Variants in RBM14 observed in about 807,000 individuals in gnomAD.
RBM14 encodes the protein RNA binding motif protein 14, also known as RNA-binding protein 14.
In RBM14, 5 loss-of-function variants were observed where a neutral mutation model predicts 52.8. The observed-to-expected ratio is 0.09, with a 90% CI of 0.05 to 0.20. The LOEUF is 0.20. RBM14 is among the 10% of genes least tolerant of loss of function. The pLI, the probability that RBM14 is intolerant of heterozygous loss-of-function variation, is 1.00. For missense variants in RBM14, 780 were observed against 926.6 expected, an observed-to-expected ratio of 0.84 and a Z score of 2.05; for synonymous variants, 411 against 401.8, an observed-to-expected ratio of 1.02 and a Z score of -0.28.
At position 66,625,495 on chromosome 11, in the gene RBM14, A is replaced by T. The variant is rs781753127; in HGVS notation, c.1619A>T (p.Tyr540Phe). Residue 540 changes from tyrosine (Y) to phenylalanine (F), a missense_variant, in exon 2 of 3, where the codon TAC (tyrosine) becomes TTC (phenylalanine). Physicochemically the swap from Tyr to Phe is conservative, Grantham distance 22 (BLOSUM62 3). Transcript: ENST00000310137. This position sits in a 1 kb window ranked among gnomAD's most constrained non-coding sequence, Gnocchi z 4.2. ...CAGCATCCCCAGGCTGCTGCCTCCT[A>T]CCGCGGCCAGCCAGGCAATGCCTAC... The part of the protein sequence containing the change: ...AQQHPQAAAS[Y>F]RGQPGNAYDG... The T allele has an allele frequency of 6.2e-7, 1 of 1,612,466 alleles. No homozygotes were observed. Among genetic ancestry groups the T allele is most frequent in the South Asian group, 1.1e-5 (1 of 90,994 alleles).
chr11:66,618,581 T>G, intron 1 of RBM14: 1 of 717,454 alleles, frequency 1.4e-6, no homozygotes, highest in Admixed American at 2.0e-5. Context: ...TTTTTGCTTT[T>G]GTTTAGAGTA....
At chr11:66,619,408 C>G (rs1483391027) in intron 1 of RBM14, 1 of 152,172 alleles carries the variant, frequency 6.6e-6, no homozygotes. Flanking sequence ...CAGCTTCCTC[C>G]TATTGGGTGT....
rs1053732879 is a variant in RBM14, at chr11:66,616,633, C to G, written c.-88C>G. The G allele has an allele frequency of 1.4e-6, 2 of 1,462,532 alleles. No homozygotes were observed. The highest frequency in any genetic ancestry group is 2.5e-5 in the East Asian group (1 of 40,628). The allele number at this position is 1,462,532 out of a possible 1,614,324, so 90.6% of individuals were successfully genotyped here. ...GCGGGGTTCTCGGTCGCCAGCCATT[C>G]CTGAGGAGGACTGCCGGTCGTTCGG... is the stretch of plus-strand genomic sequence containing the variant. On this transcript the variant is annotated 5_prime_UTR_variant, in exon 1 of 3. Transcript: ENST00000310137.
In RBM14 at chr11:66,624,802, A is replaced by T; in HGVS notation, c.926A>T (p.Gln309Leu). Residue 309 changes from glutamine (Q) to leucine (L), a missense_variant, in exon 2 of 3, where the codon CAG becomes CTG. Gln to Leu is a moderately radical substitution (Grantham distance 113). Around this residue, in one of 4 missense-constraint regions of RBM14, gnomAD observed 675 missense variants for 697.3 expected, o/e 0.97. Coordinates refer to ENST00000310137, the MANE Select transcript of RBM14 (RefSeq NM_006328.4). This position sits in a 1 kb window ranked among gnomAD's most constrained non-coding sequence, Gnocchi z 4.7. ...ASSLGPYGGA[Q>L]PSASALSSYG... Reference sequence around the variant, plus strand: ...TCACTCGGCCCATATGGTGGAGCCCAGCCCTCAGCCTCGGCCCTTTCCTCC... The same window carrying T: ...TCACTCGGCCCATATGGTGGAGCCCTGCCCTCAGCCTCGGCCCTTTCCTCC... 1 of 1,614,088 alleles carries T rather than the reference A, an allele frequency of 6.2e-7. No homozygotes were observed. The highest frequency in any genetic ancestry group is 8.5e-7 in the Non-Finnish European group (1 of 1,179,990).
chr11:66,626,480 T>G lies in RBM14; in HGVS notation c.1822T>G (p.Leu608Val). The G allele has an allele frequency of 2.5e-6, 4 of 1,613,688 alleles. No individual in the cohort carries two copies. The highest frequency in any genetic ancestry group is 3.4e-6 in the Non-Finnish European group (4 of 1,179,944). The change falls in exon 3 of 3, where the codon TTA becomes GTA. Residue 608 changes from leucine (L) to valine (V), a missense_variant. Transcript: ENST00000310137. ...MSKRYGSDRR[L>V]AELSDYRRLS... ...GACTAGGTATGGTTCCGACCGGCGT[T>G]TAGCCGAGCTCTCTGATTACCGCCG...
rs770050082 is a variant in RBM14, at chr11:66,616,892, C to A, written c.172C>A (p.His58Asn). Residue 58 changes from histidine (H) to asparagine (N), a missense_variant, in exon 1 of 3, where the codon CAC becomes AAC. His to Asn is a moderately conservative substitution (Grantham distance 68, BLOSUM62 1). This residue lies in a region of RBM14 where 71 missense variants were observed against 119.2 expected (regional missense o/e 0.60). Transcript: ENST00000310137. ...GCGCGCCATCGAAGCCCTGCACGGC[C>A]ACGAGCTGCGGCCGGGGCGCGCGCT... Reference protein sequence around the residue: ...ALRAIEALHGHELRPGRALVV... With the variant: ...ALRAIEALHGNELRPGRALVV... 3 of 1,611,822 alleles carry A rather than the reference C, an allele frequency of 1.9e-6. No homozygotes were observed. The highest frequency in any genetic ancestry group is 2.5e-6 in the Non-Finnish European group (3 of 1,179,200).
chr11:66,616,870 C>T lies in RBM14; in HGVS notation c.150C>T (p.Arg50=), dbSNP rs778201004. 23 of 1,612,114 alleles carry T rather than the reference C, an allele frequency of 1.4e-5. No homozygotes were observed. Among genetic ancestry groups the T allele is most frequent in the East Asian group, 2.2e-5 (1 of 44,836 alleles). The part of the protein sequence containing the change: ...VHMRENAGAL[R]AIEALHGHEL... ...TGCGCGAGAACGCGGGCGCGCTGCG[C>T]GCCATCGAAGCCCTGCACGGCCACG... is the stretch of plus-strand genomic sequence containing the variant. The change falls in exon 1 of 3, where the codon CGC becomes CGT. Residue 50 remains arginine (R), a synonymous_variant. Coordinates refer to ENST00000310137, the MANE Select transcript of RBM14 (RefSeq NM_006328.4).
rs139642034 is a variant in RBM14, at chr11:66,625,354, C to G, written c.1478C>G (p.Ala493Gly). ...SGSYGAQSAAAATGSYGAAAA... is the reference protein window; with the variant it reads ...SGSYGAQSAAGATGSYGAAAA... ...TCCTATGGGGCTCAGTCGGCTGCTG[C>G]GGCCACTGGCTCCTATGGTGCCGCA... The change falls in exon 2 of 3, where the codon GCG (alanine) becomes GGG (glycine). Residue 493 changes from alanine to glycine, a missense_variant. Physicochemically the swap from Ala to Gly is moderately conservative, Grantham distance 60 (BLOSUM62 0). This residue lies in a region of RBM14 where 675 missense variants were observed against 697.3 expected (regional missense o/e 0.97). Coordinates refer to ENST00000310137, the MANE Select transcript of RBM14 (RefSeq NM_006328.4). The surrounding 1 kb of genome is among the most constrained non-coding windows in gnomAD (Gnocchi z 4.2). 74 of 1,606,160 alleles carry G rather than the reference C, an allele frequency of 4.6e-5. 1 individual carries two copies. Among genetic ancestry groups the G allele is most frequent in the Non-Finnish European group, 2.0e-5 (23 of 1,177,742 alleles).
chr11:66,624,319 C>G lies in RBM14; in HGVS notation c.443C>G (p.Thr148Ser), dbSNP rs886525151. ...KGKRINVELS[T>S]KGQKKGPGLA... The stretch of plus-strand genomic sequence containing the variant: ...AAGCGCATCAACGTGGAACTCTCCA[C>G]CAAGGGTCAGAAGAAGGGGCCTGGC... Residue 148 changes from threonine (T) to serine (S), a missense_variant, in exon 2 of 3, where the codon ACC becomes AGC. By Grantham distance (58) the Thr-to-Ser change is moderately conservative. Transcript: ENST00000310137. The surrounding 1 kb of genome is among the most constrained non-coding windows in gnomAD (Gnocchi z 4.7). 3 of 1,614,078 alleles carry G rather than the reference C, an allele frequency of 1.9e-6. No individual in the cohort carries two copies. The highest frequency in any genetic ancestry group is 2.5e-6 in the Non-Finnish European group (3 of 1,179,922).
Position 66,628,572 on chromosome 11 carries a change from C to T in RBM14, c.*1904C>T, listed in dbSNP as rs1937921450. On this transcript the variant is annotated 3_prime_UTR_variant, in exon 3 of 3. Coordinates refer to ENST00000310137, the MANE Select transcript of RBM14 (RefSeq NM_006328.4). The stretch of plus-strand genomic sequence containing the variant: ...ATGGCTCTTTCCCTTGCTTCTCTTT[C>T]TGCTCACTGCTTTGCTTTCAGGTGC... Among the ~76,000 whole-genome samples, 1 of 152,112 alleles carries T rather than the reference C, an allele frequency of 6.6e-6. No homozygotes were observed. The highest frequency in any genetic ancestry group is 2.1e-4 in the South Asian group (1 of 4,826).
intron 1 of RBM14, chr11:66,621,031 G>C (rs1033660459): frequency 1.3e-5 from 2 of 151,022 alleles, no homozygotes; most frequent in Non-Finnish European, 3.0e-5. Flanking sequence ...CATTCTTTAG[G>C]GTCTCGCTTT....
rs892128953 is a variant in RBM14 at position 66,629,826 on chromosome 11, C to T, written c.*3158C>T. On this transcript the variant is annotated 3_prime_UTR_variant, in exon 3 of 3. Coordinates refer to ENST00000310137, the MANE Select transcript of RBM14 (RefSeq NM_006328.4). ...TGTGGTAGCTCACACCTGTAATTCC[C>T]AGCGCTTTGGGAATTTGAGGCAAGA... is the stretch of plus-strand genomic sequence containing the variant. Among the ~76,000 whole-genome samples, 2 of 151,874 alleles carry T rather than the reference C, an allele frequency of 1.3e-5. No individual in the cohort carries two copies. Among genetic ancestry groups the T allele is most frequent in the Non-Finnish European group, 2.9e-5 (2 of 67,982 alleles).
intron 1 of RBM14, chr11:66,618,597 G>A (rs546513895): frequency 2.8e-6 from 2 of 717,166 alleles, no homozygotes; most frequent in East Asian, 2.7e-5. Flanking sequence ...GAGTAAAAGA[G>A]TGGTGGGGGA....
At position 66,625,429 on chromosome 11, in the gene RBM14, C is replaced by G. The variant is rs1240190870; in HGVS notation, c.1553C>G (p.Thr518Ser). ...PSATLAAPYR[T>S]QSSASLAASY... The stretch of plus-strand genomic sequence containing the variant: ...GCCACCCTGGCAGCTCCTTACCGCA[C>G]TCAGTCATCAGCCTCATTGGCTGCT... Residue 518 changes from threonine (T) to serine (S), a missense_variant, in exon 2 of 3, where the codon ACT (threonine) becomes AGT (serine). By Grantham distance (58) the Thr-to-Ser change is moderately conservative. This residue lies in a region of RBM14 where 675 missense variants were observed against 697.3 expected (regional missense o/e 0.97). Coordinates refer to ENST00000310137, the MANE Select transcript of RBM14 (RefSeq NM_006328.4). This position sits in a 1 kb window ranked among gnomAD's most constrained non-coding sequence, Gnocchi z 4.2. 3 of 1,613,788 alleles carry G rather than the reference C, an allele frequency of 1.9e-6. No individual in the cohort carries two copies. The highest frequency in any genetic ancestry group is 2.2e-5 in the East Asian group (1 of 44,864).
rs906595257 is a variant in RBM14, at chr11:66,626,744, T to C, written c.*76T>C. ...TAGGGTTACAGATCCAGGTTATAACTACTCTGGCCCATACCTTTCCTGGTT... is the reference window on the plus strand; with the variant it reads ...TAGGGTTACAGATCCAGGTTATAACCACTCTGGCCCATACCTTTCCTGGTT... On this transcript the variant is annotated 3_prime_UTR_variant, in exon 3 of 3. Coordinates refer to ENST00000310137, the MANE Select transcript of RBM14 (RefSeq NM_006328.4). The C allele has an allele frequency of 3.1e-6, 4 of 1,305,984 alleles. No individual in the cohort carries two copies. Among genetic ancestry groups the C allele is most frequent in the Middle Eastern group, 2.6e-4 (1 of 3,804 alleles). The allele number at this position is 1,305,984 out of a possible 1,614,324, so 80.9% of individuals were successfully genotyped here. A position where few individuals can be genotyped will look rare whatever the true frequency, so the allele number is the denominator to read the frequency against.
Position 66,617,025 on chromosome 11 carries a change from G to A in RBM14, c.305G>A (p.Arg102His). 1 of 1,604,308 alleles carries A rather than the reference G, an allele frequency of 6.2e-7. No homozygotes were observed. Among genetic ancestry groups the A allele is most frequent in the Non-Finnish European group, 8.5e-7 (1 of 1,174,478 alleles). ...SQELRSLFER[R>H]GRVIECDVVK... is the part of the protein sequence containing the mutation. ...GAACTGCGCAGCCTCTTCGAGCGCC[G>A]CGGACGCGTCATCGAGTGTGACGTG... Residue 102 changes from arginine (R) to histidine (H), a missense_variant, in exon 1 of 3, where the codon CGC becomes CAC. Physicochemically the swap from Arg to His is conservative, Grantham distance 29. Transcript: ENST00000310137.
chr11:66,628,789 C>T lies in RBM14; in HGVS notation c.*2121C>T, dbSNP rs1937927100. On this transcript the variant is annotated 3_prime_UTR_variant, in exon 3 of 3. Transcript: ENST00000310137. ...TGTGGCCTGTGTATTTGCAATTTTT[C>T]TTTGTCAGTGTGGCTTTCTGTCATC... Among the ~76,000 whole-genome samples, 2 of 152,156 alleles carry T rather than the reference C, an allele frequency of 1.3e-5. No homozygotes were observed. The highest frequency in any genetic ancestry group is 4.8e-5 in the African/African-American group (2 of 41,426).
At position 66,624,198 on chromosome 11, in the gene RBM14, T is replaced by C; in HGVS notation, c.338-16T>C. On this transcript the variant is annotated splice_polypyrimidine_tract_variant and intron_variant, in intron 1 of 2. Coordinates refer to ENST00000310137, the MANE Select transcript of RBM14 (RefSeq NM_006328.4). The surrounding 1 kb of genome is among the most constrained non-coding windows in gnomAD (Gnocchi z 4.7). ...TGCCCCCCTAATTGCTAACCCTCTG[T>C]CTGCTGCTTTATCAGACTACGCGTT... is the stretch of plus-strand genomic sequence containing the variant. The C allele has an allele frequency of 6.4e-7, 1 of 1,559,942 alleles. No individual in the cohort carries two copies. The highest frequency in any genetic ancestry group is 8.7e-7 in the Non-Finnish European group (1 of 1,149,870).
At chr11:66,622,195 C>T (rs562922952) in intron 1 of RBM14, among the ~76,000 whole-genome samples, 11 of 151,482 alleles carry the variant, frequency 7.3e-5, no homozygotes, top group South Asian at 2.1e-4. Flanking sequence ...GGATTACATG[C>T]GTGAGCCACC....
Sources: allele counts gnomAD v4.1 joint callset (sites outside exome capture counted in the v4.1 genomes callset), GRCh38; gene constraint gnomAD v4.1.1; regional missense constraint gnomAD v4.1.1; non-coding constraint Gnocchi (gnomAD v3.1); transcripts MANE v1.5; gene names NCBI Gene and HGNC (gene_info 2026-07-23, HGNC 2026-07-21).